KALRN: variants seen among roughly 807,000 people sequenced by gnomAD.
KALRN encodes kalirin.
In KALRN, 70 loss-of-function variants were observed where a neutral mutation model predicts 353.7. That is an observed-to-expected ratio of 0.20 (90% CI 0.16 to 0.24). The LOEUF (loss-of-function observed/expected upper bound fraction) is 0.24. KALRN is among the 10% of genes least tolerant of loss of function. The pLI, the probability that KALRN is intolerant of heterozygous loss-of-function variation, is 1.00. For synonymous variants in KALRN, 1,391 were observed against 1,434.8 expected, an observed-to-expected ratio of 0.97 and a Z score of 0.69; for missense variants, 2,791 against 3,756.7, an observed-to-expected ratio of 0.74 and a Z score of 6.72.
At chr3:124,711,860 G>A (rs2062903163) in intron 57 of KALRN, among the ~76,000 whole-genome samples, 1 of 152,198 alleles carries the variant, frequency 6.6e-6, no homozygotes, top group Non-Finnish European at 1.5e-5. Context: ...GATTATTGAA[G>A]TTGGCTGCAT....
chr3:124,715,783 C>T (rs1219897381), intron 58 of KALRN, among the ~76,000 whole-genome samples: 2 of 152,170 alleles, frequency 1.3e-5, no homozygotes, highest in African/African-American at 2.4e-5. Context: ...TTTAACAACT[C>T]AATGTACACT....
intron 51 of KALRN, among the ~76,000 whole-genome samples, chr3:124,682,965 G>A (rs1288401957): frequency 6.6e-6 from 1 of 152,064 alleles, no homozygotes; most frequent in African/African-American, 2.4e-5. Context: ...CAAGTCTCCT[G>A]CAGCCAAGTC....
rs1405217260 is a variant in KALRN, at chr3:124,413,502, C to T, written c.2379C>T (p.Asp793=). 1.2e-6 allele frequency: 2 copies of T among 1,614,026 alleles called. No homozygotes were observed. Among genetic ancestry groups the T allele is most frequent in the African/African-American group, 2.7e-5 (2 of 74,940 alleles). ...CAGAGCTAGACGCCTGGAATGAAGA[C>T]TTGCTTCGGCAGATGAATGACTTCA... is the stretch of plus-strand genomic sequence containing the variant. ...VTAELDAWNE[D]LLRQMNDFNT... is the part of the protein sequence containing the mutation. Residue 793 remains aspartate (D), a synonymous_variant, in exon 14 of 60, where the codon GAC becomes GAT. Coordinates refer to ENST00000682506, the MANE Select transcript of KALRN (RefSeq NM_001388419.1).
chr3:124,094,997 G>C, intron 1 of KALRN: 1 of 1,182,556 alleles, frequency 8.5e-7, no homozygotes, highest in Non-Finnish European at 1.3e-6. Context: ...ACAGCAGAGA[G>C]GGGAGGGGGG....
intron 1 of KALRN, among the ~76,000 whole-genome samples, chr3:124,100,860 G>T (rs914910223): frequency 6.6e-6 from 1 of 152,208 alleles, no homozygotes; most frequent in Admixed American, 6.5e-5. Context: ...TAGCTGGAAA[G>T]GGGGCTAAAC....
chr3:124,085,744 A>C (rs972766877), intron 1 of KALRN, among the ~76,000 whole-genome samples: 3 of 152,240 alleles, frequency 2.0e-5, no homozygotes, highest in South Asian at 2.1e-4. Context: ...CAGAGTAACA[A>C]GTGCTTATAG....
At chr3:124,718,874 T>C (rs1344113854) in intron 59 of KALRN, 51 bp from the exon 60 acceptor site, 6 of 1,536,392 alleles carry the variant, frequency 3.9e-6, no homozygotes, top group Admixed American at 1.7e-5. Flanking sequence ...GTAGTCAAAA[T>C]AGAGGCCTAA....
intron 1 of KALRN, among the ~76,000 whole-genome samples, chr3:124,111,993 G>T (rs1370528640): frequency 6.6e-6 from 1 of 150,752 alleles, no homozygotes; most frequent in African/African-American, 2.4e-5. Flanking sequence ...GTTTGCAGAA[G>T]AAAGAAAATA....
intron 5 of KALRN, among the ~76,000 whole-genome samples, chr3:124,281,058 TAAAA>T (rs942119809): frequency 6.6e-6 from 1 of 151,456 alleles, no homozygotes; most frequent in African/African-American, 2.4e-5. Context: ...TAAAGTATAA[TAAAA>T]AAAAGAAAAA....
intron 34 of KALRN, among the ~76,000 whole-genome samples, 178 bp downstream of exon 34, chr3:124,563,267 C>T (rs894206474): frequency 2.6e-5 from 4 of 152,138 alleles, no homozygotes; most frequent in Admixed American, 6.5e-5. Context: ...GAAGAGCTCC[C>T]GAGTAACTGT....
Position 124,721,761 on chromosome 3 carries a change from G to C in KALRN, c.*2291G>C, listed in dbSNP as rs1381050698. 2 of 152,184 alleles carry C rather than the reference G, an allele frequency of 1.3e-5. No homozygotes were observed. Among genetic ancestry groups the C allele is most frequent in the Admixed American group, 1.3e-4 (2 of 15,282 alleles). 9.4% of individuals were successfully genotyped at this position (152,184 alleles called of 1,614,324 possible). On this transcript the variant is annotated 3_prime_UTR_variant, in exon 60 of 60. Coordinates refer to ENST00000682506, the MANE Select transcript of KALRN (RefSeq NM_001388419.1). ...TCACAAGGTCAGCAGTTCGAGACCA[G>C]CCTGACTAACATGGTGAAACCCTGT...
intron 48 of KALRN, among the ~76,000 whole-genome samples, chr3:124,672,853 G>A (rs1217644920): frequency 6.6e-6 from 1 of 152,164 alleles, no homozygotes; most frequent in East Asian, 1.9e-4. Flanking sequence ...CTAGAACTCA[G>A]TGGCTCTATG....
At chr3:124,377,992 C>G (rs2086821264) in intron 10 of KALRN, among the ~76,000 whole-genome samples, 1 of 152,000 alleles carries the variant, frequency 6.6e-6, no homozygotes. Flanking sequence ...GCTTTTTTAT[C>G]TAATCTGACA....
chr3:124,042,166 T>C (rs753235750), intron 1 of KALRN, among the ~76,000 whole-genome samples: 33 of 152,182 alleles, frequency 2.2e-4, no homozygotes, highest in Non-Finnish European at 4.1e-4. Context: ...GGTGTGAATA[T>C]TCATAGCATA....
intron 37 of KALRN, among the ~76,000 whole-genome samples, chr3:124,642,807 T>TTTTTTTGTTG (rs1553707040): frequency 1.1e-5 from 1 of 87,622 alleles, no homozygotes; most frequent in Non-Finnish European, 2.1e-5. Context: ...CCAAGCCTCG[T>TTTTTTTGTTG]TTTTTTTTTT....
At chr3:124,067,973 A>G (rs2042514577) in intron 1 of KALRN, among the ~76,000 whole-genome samples, 1 of 152,244 alleles carries the variant, frequency 6.6e-6, no homozygotes. Flanking sequence ...GCCCTACGCC[A>G]TAGCTCAGCT....
chr3:124,163,581 G>T (rs1339602054), intron 1 of KALRN: 2 of 984,622 alleles, frequency 2.0e-6, no homozygotes, highest in Non-Finnish European at 1.2e-6. Flanking sequence ...TGTTTTGCTG[G>T]ACACATAATA....
intron 29 of KALRN, 50 bp downstream of exon 29, chr3:124,488,365 G>A: frequency 8.2e-7 from 1 of 1,216,744 alleles, no homozygotes; most frequent in Non-Finnish European, 1.2e-6. Context: ...CTTGACACGG[G>A]GGAGCTTGTA....
At position 124,260,670 on chromosome 3, in the gene KALRN, T is replaced by C. The variant is rs955135214; in HGVS notation, c.264-3828T>C. 2.0e-5 allele frequency among the ~76,000 whole-genome samples: 3 copies of C among 151,770 alleles called. No individual in the cohort carries two copies. The East Asian group carries it at 5.8e-4, about 29-fold the overall frequency. ...GAAGAGGGATGTGCAGCACAGACTG[T>C]ATGTGGGTGAGTCATCTTGGCTCCT... is the stretch of plus-strand genomic sequence containing the variant. On this transcript the variant is annotated intron_variant, in intron 3 of 59. Coordinates refer to ENST00000682506, the MANE Select transcript of KALRN (RefSeq NM_001388419.1).
Sources: allele counts gnomAD v4.1 joint callset (sites outside exome capture counted in the v4.1 genomes callset), GRCh38; gene constraint gnomAD v4.1.1; transcripts MANE v1.5; gene names NCBI Gene and HGNC (gene_info 2026-07-23, HGNC 2026-07-21).